The following AGA variants were observed in gnomAD, a reference collection of about 807,000 sequenced individuals.
AGA encodes N(4)-(beta-N-acetylglucosaminyl)-L-asparaginase.
A neutral mutation model predicts 40.1 loss-of-function variants in AGA; 31 were observed. The observed-to-expected ratio is 0.77, with a 90% confidence interval of 0.58 to 1.04. The LOEUF is 1.04. Ranked by LOEUF, AGA falls within the 50% of genes least tolerant of loss-of-function variation. AGA has a pLI of 0.00. For missense variants in AGA, 445 were observed against 435.4 expected, an observed-to-expected ratio of 1.02 and a Z score of -0.20; for synonymous variants, 148 against 144.0, an observed-to-expected ratio of 1.03 and a Z score of -0.20.
chr4:177,441,449 G>C (rs1476334000), intron 1 of AGA, among the ~76,000 whole-genome samples: 1 of 152,112 alleles, frequency 6.6e-6, no homozygotes, highest in Non-Finnish European at 1.5e-5. Flanking sequence ...AAAGAAACAA[G>C]CATAGTACAA....
At position 177,435,612 on chromosome 4, in the gene AGA, C is replaced by A. The variant is rs76669671; in HGVS notation, c.698+664G>T. Among the ~76,000 whole-genome samples the A allele has an allele frequency of 8.5e-4, 130 of 152,172 alleles. 1 individual carries two copies. In the East Asian group the frequency reaches 0.022, roughly 25 times the overall value. On this transcript the variant is annotated intron_variant, in intron 6 of 8. Coordinates refer to ENST00000264595, the MANE Select transcript of AGA (RefSeq NM_000027.4). ...CTATTTCAAAATTAAATCCAGAATGCCTTCAACTGACTTAAGACTCCTTAA... is the reference window on the plus strand; with the variant it reads ...CTATTTCAAAATTAAATCCAGAATGACTTCAACTGACTTAAGACTCCTTAA...
chr4:177,438,701 A>C, intron 4 of AGA, 44 bp downstream of exon 4: 1 of 1,308,860 alleles, frequency 7.6e-7, no homozygotes, highest in East Asian at 2.5e-5. Context: ...ATGTCACTGA[A>C]TATTTTCAAT....
intron 6 of AGA, among the ~76,000 whole-genome samples, chr4:177,435,081 T>G (rs1212375684): frequency 6.6e-6 from 1 of 151,890 alleles, no homozygotes; most frequent in Non-Finnish European, 1.5e-5. Context: ...TTTGTATTTT[T>G]TTTTTTTTCA....
Position 177,430,902 on chromosome 4 carries a change from T to C in AGA, c.*806A>G, listed in dbSNP as rs1452729199. 1 of 454,076 alleles carries C rather than the reference T, an allele frequency of 2.2e-6. No individual in the cohort carries two copies. The highest frequency in any genetic ancestry group is 6.9e-5 in the East Asian group (1 of 14,392). The allele number at this position is 454,076 out of a possible 1,614,324, so 28.1% of individuals were successfully genotyped here. A position where few individuals can be genotyped will look rare whatever the true frequency, so the allele number is the denominator to read the frequency against. On this transcript the variant is annotated 3_prime_UTR_variant, in exon 9 of 9. Transcript: ENST00000264595. ...GTCATACAGAGAGTTAATCAGAAGT[T>C]AGGGAAACAAACCAAGCTAAACAAC...
intron 5 of AGA, chr4:177,437,190 C>T (rs112584145): frequency 2.6e-5 from 13 of 499,624 alleles, no homozygotes; most frequent in South Asian, 1.3e-4. Flanking sequence ...TTTAAAAATC[C>T]GCAAGTGAAT....
At chr4:177,442,212 C>T (rs1560952164) in intron 1 of AGA, 37 bp downstream of exon 1, 1 of 1,610,928 alleles carries the variant, frequency 6.2e-7, no homozygotes, top group Non-Finnish European at 8.5e-7. Context: ...CGCAAGCTCT[C>T]GCGGCGCAGC....
At chr4:177,433,927 T>C (rs190845335) in intron 7 of AGA, among the ~76,000 whole-genome samples, 45 of 151,668 alleles carry the variant, frequency 3.0e-4, no homozygotes, top group Admixed American at 8.5e-4. Context: ...GCAACAAGTT[T>C]GTATGCAGTT....
chr4:177,433,431 C>G (rs1436698483), intron 7 of AGA, 84 bp from the exon 8 acceptor site: 1 of 1,536,078 alleles, frequency 6.5e-7, no homozygotes. Context: ...AAATTAAAAC[C>G]ACCAAAATTG....
rs1736737120 is a variant in AGA, at chr4:177,434,463, C to T, written c.725G>A (p.Gly242Glu). 1.2e-6 allele frequency: 2 copies of T among 1,613,926 alleles called. No homozygotes were observed. The highest frequency in any genetic ancestry group is 1.7e-6 in the Non-Finnish European group (2 of 1,180,026). Residue 242 changes from glycine (G) to glutamate (E), a missense_variant, in exon 7 of 9, where the codon GGA (glycine) becomes GAA (glutamate). Physicochemically the swap from Gly to Glu is moderately conservative, Grantham distance 98. Transcript: ENST00000264595. Reference protein sequence around the residue: ...HGRVGDSPIPGAGAYADDTAG... With the variant: ...HGRVGDSPIPEAGAYADDTAG... ...AGTATCGTCAGCATAGGCTCCAGCT[C>T]CAGGTATTGGTGAGTCTCCTACACG...
rs558289513 is a variant in AGA at position 177,433,879 on chromosome 4, T to C, written c.806+503A>G. On this transcript the variant is annotated intron_variant, in intron 7 of 8. Coordinates refer to ENST00000264595, the MANE Select transcript of AGA (RefSeq NM_000027.4). ...ACTACTTTATTTCACAGGACTATGATTACTTAACTTGAATGATTATCATTA... is the reference window on the plus strand; with the variant it reads ...ACTACTTTATTTCACAGGACTATGACTACTTAACTTGAATGATTATCATTA... Among the ~76,000 whole-genome samples, 19 of 151,310 alleles carry C rather than the reference T, an allele frequency of 1.3e-4. No individual in the cohort carries two copies. The East Asian group carries it at 3.7e-3, about 29-fold the overall frequency.
chr4:177,436,361 A>T lies in AGA; in HGVS notation c.623-10T>A, dbSNP rs1427377508. 4 of 458,330 alleles carry T rather than the reference A, an allele frequency of 8.7e-6. No homozygotes were observed. The highest frequency in any genetic ancestry group is 5.0e-5 in the Admixed American group (1 of 19,890). The allele number at this position is 458,330 out of a possible 1,614,324, so 28.4% of individuals were successfully genotyped here. A position where few individuals can be genotyped will look rare whatever the true frequency, so the allele number is the denominator to read the frequency against. ...TGGATTACAACCATGCCTAGAAGTT[A>T]AAAAAAAAAAATCACTGTAGGTGTA... On this transcript the variant is annotated splice_polypyrimidine_tract_variant and intron_variant, in intron 5 of 8. Coordinates refer to ENST00000264595, the MANE Select transcript of AGA (RefSeq NM_000027.4).
Position 177,434,418 on chromosome 4 carries a change from G to A in AGA, c.770C>T (p.Thr257Ile), listed in dbSNP as rs386833434. The A allele has an allele frequency of 1.2e-6, 2 of 1,614,160 alleles. No homozygotes were observed. Residue 257 changes from threonine (T) to isoleucine (I), a missense_variant, in exon 7 of 9, where the codon ACT becomes ATT. Physicochemically the swap from Thr to Ile is moderately conservative, Grantham distance 89 (BLOSUM62 -1). Transcript: ENST00000264595. ...GCGCATCAATATATCACCATTCCCAGTGGCTGCGGCTGCCCCTGCAGTATC... is the reference window on the plus strand; with the variant it reads ...GCGCATCAATATATCACCATTCCCAATGGCTGCGGCTGCCCCTGCAGTATC... Reference protein sequence around the residue: ...ADDTAGAAAATGNGDILMRFL... With the variant: ...ADDTAGAAAAIGNGDILMRFL...
intron 1 of AGA, 107 bp downstream of exon 1, chr4:177,442,142 C>T (rs977410202): frequency 9.2e-6 from 14 of 1,516,172 alleles, no homozygotes; most frequent in Non-Finnish European, 1.3e-5. Context: ...CGGCCCAGCC[C>T]GGCGCTCTTC....
rs528454193 is a variant in AGA at position 177,438,115 on chromosome 4, A to G, written c.508-596T>C. Among the ~76,000 whole-genome samples the G allele has an allele frequency of 5.3e-4, 81 of 152,284 alleles. 1 individual carries two copies. The highest frequency in any genetic ancestry group is 1.7e-3 in the African/African-American group (72 of 41,568). On this transcript the variant is annotated intron_variant, in intron 4 of 8. Transcript: ENST00000264595. ...TCCTATTCCTCATGTCTTACACATC[A>G]GTGCGCTAGGTGCCTCCCCTAACTT...
chr4:177,435,141 C>T (rs1205008030), intron 6 of AGA, among the ~76,000 whole-genome samples: 1 of 151,976 alleles, frequency 6.6e-6, no homozygotes, highest in African/African-American at 2.4e-5. Context: ...GAACTCCTGA[C>T]CTCAGGTGAT....
At position 177,437,400 on chromosome 4, in the gene AGA, A is replaced by G; in HGVS notation, c.622+5T>C. 6.3e-7 allele frequency: 1 copy of G among 1,589,384 alleles called. No homozygotes were observed. The highest frequency in any genetic ancestry group is 8.6e-7 in the Non-Finnish European group (1 of 1,157,736). ...TCCATAAAAACTGCACAAAAGGCAA[A>G]TTACCAATAGTGTCATGACCACGAT... On this transcript the variant is annotated splice_donor_5th_base_variant and intron_variant, in intron 5 of 8. Transcript: ENST00000264595.
rs958661921 is a variant in AGA at position 177,430,925 on chromosome 4, A to C, written c.*783T>G. 2.2e-6 allele frequency: 1 copy of C among 454,110 alleles called. No individual in the cohort carries two copies. Among genetic ancestry groups the C allele is most frequent in the Non-Finnish European group, 4.4e-6 (1 of 226,782 alleles). The allele number at this position is 454,110 out of a possible 1,614,324, so 28.1% of individuals were successfully genotyped here. A position where few individuals can be genotyped will look rare whatever the true frequency, so the allele number is the denominator to read the frequency against. On this transcript the variant is annotated 3_prime_UTR_variant, in exon 9 of 9. Coordinates refer to ENST00000264595, the MANE Select transcript of AGA (RefSeq NM_000027.4). ...GTTAGGGAAACAAACCAAGCTAAAC[A>C]ACCCATTTCTTGACTTCTAATTGCC... is the stretch of plus-strand genomic sequence containing the variant.
chr4:177,436,459 C>T, intron 5 of AGA, 108 bp from the exon 6 acceptor site: 1 of 916,550 alleles, frequency 1.1e-6, no homozygotes, highest in Non-Finnish European at 1.7e-6. Flanking sequence ...TGTTTGTGTT[C>T]CCCCAAATTC....
intron 4 of AGA, among the ~76,000 whole-genome samples, chr4:177,437,795 CT>C (rs1349462728): frequency 2.0e-5 from 3 of 152,122 alleles, no homozygotes; most frequent in Admixed American, 2.0e-4. Flanking sequence ...TTATATATAT[CT>C]AAAATTCTCA....
Sources: gnomAD v4.1 joint callset for allele counts (sites outside exome capture counted in the v4.1 genomes callset) on GRCh38, gnomAD v4.1.1 for gene constraint, MANE v1.5 for transcripts, NCBI Gene and HGNC (gene_info 2026-07-23, HGNC 2026-07-21) for gene names.